GALNT13: variants seen among roughly 807,000 people sequenced by gnomAD.
GALNT13 encodes the protein UDP-GalNAc:polypeptide N-acetylgalactosaminyltransferase 13.
Under a neutral mutation model 64.2 loss-of-function variants are expected in GALNT13, and 28 were observed. The observed-to-expected ratio is 0.44, with a 90% CI of 0.32 to 0.60. The LOEUF (loss-of-function observed/expected upper bound fraction) is 0.60. Ranked by LOEUF, GALNT13 falls within the 20% of genes least tolerant of loss-of-function variation. The pLI is 0.05. For missense variants in GALNT13, 577 were observed against 669.8 expected (o/e 0.86, Z 1.53); for synonymous variants, 214 against 224.6 (o/e 0.95, Z 0.42).
At chr2:154,133,345 C>T (rs534929424) in intron 3 of GALNT13, among the ~76,000 whole-genome samples, 1 of 151,752 alleles carries the variant, frequency 6.6e-6, no homozygotes, top group Non-Finnish European at 1.5e-5. Context: ...TAAATCTCTA[C>T]TTATGATCTA....
the GALNT13 span, among the ~76,000 whole-genome samples, chr2:153,180,742 C>A: frequency 6.6e-6 from 1 of 151,856 alleles, no homozygotes; most frequent in African/African-American, 2.4e-5. Flanking sequence ...ATGATTTCTT[C>A]AAAATCTACC....
chr2:153,646,455 TTA>T, the GALNT13 span, among the ~76,000 whole-genome samples: 4,828 of 147,958 alleles, frequency 0.033, 120 homozygotes, highest in African/African-American at 0.058. Flanking sequence ...TTTTTTTCTT[TTA>T]TATATATATA....
chr2:154,095,108 T>A (rs1390947604), intron 3 of GALNT13, among the ~76,000 whole-genome samples: 6 of 151,870 alleles, frequency 4.0e-5, no homozygotes, highest in African/African-American at 1.4e-4. Context: ...TTAGAAATGT[T>A]TTCAAAGGAA....
chr2:153,116,472 A>G, the GALNT13 span, among the ~76,000 whole-genome samples: 1 of 152,152 alleles, frequency 6.6e-6, no homozygotes, highest in East Asian at 1.9e-4. Flanking sequence ...ATTTTCATAT[A>G]GAAATAGGAA....
chr2:154,374,706 A>G (rs2105318452), intron 9 of GALNT13, among the ~76,000 whole-genome samples: 1 of 152,330 alleles, frequency 6.6e-6, no homozygotes, highest in African/African-American at 2.4e-5. Context: ...GCAGTCAAAG[A>G]AAAGTGTGGC....
At chr2:153,868,485 G>C (rs573451290), upstream of GALNT13, among the ~76,000 whole-genome samples, 117 of 152,066 alleles carry the variant, frequency 7.7e-4, no homozygotes, top group African/African-American at 2.7e-3. Context: ...CTTAATAATG[G>C]CATCTCCATC....
At chr2:153,694,727 C>T in the GALNT13 span, among the ~76,000 whole-genome samples, 1 of 151,962 alleles carries the variant, frequency 6.6e-6, no homozygotes, top group African/African-American at 2.4e-5. Flanking sequence ...ATTTGATTTG[C>T]TTAAGTAAAA....
chr2:154,167,936 TAA>T (rs951210760), intron 4 of GALNT13, among the ~76,000 whole-genome samples: 11 of 152,050 alleles, frequency 7.2e-5, no homozygotes, highest in Admixed American at 3.9e-4. Flanking sequence ...CTGACCAGAG[TAA>T]AGAGTATTTT....
chr2:153,766,728 T>C, the GALNT13 span, among the ~76,000 whole-genome samples: 1 of 152,088 alleles, frequency 6.6e-6, no homozygotes, highest in South Asian at 2.1e-4. Flanking sequence ...TAAAATTTCT[T>C]TATTAGTGTT....
chr2:153,650,603 A>C, the GALNT13 span, among the ~76,000 whole-genome samples: 2 of 152,076 alleles, frequency 1.3e-5, no homozygotes, highest in African/African-American at 4.8e-5. Flanking sequence ...TGGCTGGTAC[A>C]GGTTGTTCCT....
rs535567609 is a variant in GALNT13 at position 154,288,832 on chromosome 2, C to T, written c.976-12577C>T. Among the ~76,000 whole-genome samples the T allele has an allele frequency of 2.6e-5, 4 of 152,354 alleles. No individual in the cohort carries two copies. In the South Asian group the frequency reaches 6.2e-4, roughly 24 times the overall value. ...TCCTTACTGCTTTCACAGGCTGGCA[C>T]GGAGTGCCTTTGGCTTTTCCAGGAC... On this transcript the variant is annotated intron_variant, in intron 8 of 12. Coordinates refer to ENST00000392825, the MANE Select transcript of GALNT13 (RefSeq NM_052917.4).
At chr2:154,304,122 A>G (rs1451485797) in intron 9 of GALNT13, among the ~76,000 whole-genome samples, 1 of 152,138 alleles carries the variant, frequency 6.6e-6, no homozygotes, top group Non-Finnish European at 1.5e-5. Context: ...TCTTATTAAG[A>G]TCCAGCATCG....
chr2:153,566,789 A>G, the GALNT13 span, among the ~76,000 whole-genome samples: 1 of 152,064 alleles, frequency 6.6e-6, no homozygotes, highest in Non-Finnish European at 1.5e-5. Flanking sequence ...CCATTATTCT[A>G]CAGTGCCTCT....
At chr2:154,354,049 T>C (rs1371929904) in intron 9 of GALNT13, among the ~76,000 whole-genome samples, 1 of 152,148 alleles carries the variant, frequency 6.6e-6, no homozygotes, top group East Asian at 1.9e-4. Context: ...GGTTTTCTTC[T>C]CTCTACCCCC....
At chr2:153,860,353 A>T in the GALNT13 span, among the ~76,000 whole-genome samples, 1 of 152,192 alleles carries the variant, frequency 6.6e-6, no homozygotes, top group Non-Finnish European at 1.5e-5. Context: ...ACATCCTTGT[A>T]CTTGCCCTAG....
At chr2:154,287,889 T>C (rs1692364454) in intron 8 of GALNT13, among the ~76,000 whole-genome samples, 1 of 152,158 alleles carries the variant, frequency 6.6e-6, no homozygotes, top group Non-Finnish European at 1.5e-5. Context: ...CTCCCAGTCT[T>C]GCTAGACTGG....
chr2:153,617,811 A>G, the GALNT13 span, among the ~76,000 whole-genome samples: 1 of 151,672 alleles, frequency 6.6e-6, no homozygotes, highest in Non-Finnish European at 1.5e-5. Flanking sequence ...AAATTTGTCT[A>G]TTTCTTCTAG....
chr2:154,123,578 T>C (rs760700748), intron 3 of GALNT13, among the ~76,000 whole-genome samples: 1 of 151,984 alleles, frequency 6.6e-6, no homozygotes, highest in Non-Finnish European at 1.5e-5. Flanking sequence ...TGATAATATC[T>C]TGCCCTGTGA....
At chr2:153,302,316 T>C in the GALNT13 span, among the ~76,000 whole-genome samples, 1 of 152,092 alleles carries the variant, frequency 6.6e-6, no homozygotes, top group Non-Finnish European at 1.5e-5. Flanking sequence ...TATTGAGCAT[T>C]TTTTTTACAT....
Sources: gnomAD v4.1 joint callset for allele counts (sites outside exome capture counted in the v4.1 genomes callset) on GRCh38, gnomAD v4.1.1 for gene constraint, MANE v1.5 for transcripts, NCBI Gene and HGNC (gene_info 2026-07-23, HGNC 2026-07-21) for gene names.